The following GRID1 variants were observed in gnomAD, a reference collection of about 807,000 sequenced individuals.
The protein encoded by GRID1 is glutamate ionotropic receptor delta type subunit 1.
In GRID1, 28 loss-of-function variants were observed where a neutral mutation model predicts 98.0. The observed-to-expected ratio is 0.29, with a 90% CI of 0.21 to 0.39. The LOEUF is 0.39. Among genes scored for constraint, GRID1 ranks in the 10% least tolerant of loss-of-function variants. The probability of loss-of-function intolerance (pLI) is 1.00; values close to 1 mark genes in which losing one functional copy is unlikely to be tolerated. For synonymous variants in GRID1, 553 were observed against 538.5 expected (o/e 1.03, Z -0.37); for missense variants, 1,111 against 1,340.5 (o/e 0.83, Z 2.67).
intron 4 of GRID1, among the ~76,000 whole-genome samples, chr10:85,955,857 C>G (rs2131846122): frequency 6.6e-6 from 1 of 152,318 alleles, no homozygotes; most frequent in South Asian, 2.1e-4. Context: ...CTTCTGACCC[C>G]TGAGGCTTCT....
chr10:86,364,899 C>G (rs755071272), intron 1 of GRID1, among the ~76,000 whole-genome samples: 5 of 152,228 alleles, frequency 3.3e-5, no homozygotes, highest in Non-Finnish European at 7.3e-5. Flanking sequence ...GCGCTTTGTG[C>G]GCCTAGCACA....
chr10:85,662,171 G>A (rs1220588184), intron 12 of GRID1, among the ~76,000 whole-genome samples: 1 of 152,196 alleles, frequency 6.6e-6, no homozygotes, highest in Non-Finnish European at 1.5e-5. Flanking sequence ...ATTTGTTTGA[G>A]TGGATGAATG....
intron 8 of GRID1, among the ~76,000 whole-genome samples, chr10:85,763,166 C>T (rs1012455970): frequency 4.6e-5 from 7 of 152,168 alleles, no homozygotes; most frequent in African/African-American, 1.4e-4. Flanking sequence ...GACCCCAAGT[C>T]AGCTGCCCAC....
At chr10:86,004,329 C>CA (rs1246180989) in intron 4 of GRID1, among the ~76,000 whole-genome samples, 1 of 152,144 alleles carries the variant, frequency 6.6e-6, no homozygotes, top group Non-Finnish European at 1.5e-5. Context: ...GATATGCTGC[C>CA]AAAAAGAGCT....
At chr10:86,034,902 G>GTGGA (rs59211171) in intron 4 of GRID1, among the ~76,000 whole-genome samples, 19,512 of 143,724 alleles carry the variant, frequency 0.14, 1,306 homozygotes, top group East Asian at 0.22. Context: ...CAATGGATTG[G>GTGGA]TGGATGGATG....
chr10:86,309,884 A>G (rs549537405), intron 2 of GRID1, among the ~76,000 whole-genome samples: 4 of 152,272 alleles, frequency 2.6e-5, no homozygotes, highest in East Asian at 3.9e-4. Flanking sequence ...CAGTGCCTCA[A>G]TGATTTCAGC....
At chr10:85,989,422 G>C (rs1194750326) in intron 4 of GRID1, among the ~76,000 whole-genome samples, 1 of 151,556 alleles carries the variant, frequency 6.6e-6, no homozygotes, top group African/African-American at 2.4e-5. Flanking sequence ...ATTTTCCTCT[G>C]TTGAACCCAA....
chr10:86,012,464 C>A (rs1312629813), intron 4 of GRID1, among the ~76,000 whole-genome samples: 2 of 152,166 alleles, frequency 1.3e-5, no homozygotes, highest in Admixed American at 6.5e-5. Context: ...GACCCTGAAC[C>A]TTTTACAAGG....
intron 8 of GRID1, among the ~76,000 whole-genome samples, chr10:85,761,544 C>T (rs1439861081): frequency 2.0e-5 from 3 of 152,182 alleles, no homozygotes; most frequent in South Asian, 4.1e-4. Context: ...GCAATTACAC[C>T]GTTGTGCTGT....
At chr10:85,862,961 T>A (rs1843178791) in intron 6 of GRID1, among the ~76,000 whole-genome samples, 2 of 152,074 alleles carry the variant, frequency 1.3e-5, no homozygotes, top group South Asian at 4.1e-4. Context: ...TCAGAAACAC[T>A]GCACATTCCC....
chr10:86,203,099 G>C (rs1228683424), intron 3 of GRID1, among the ~76,000 whole-genome samples: 1 of 152,106 alleles, frequency 6.6e-6, no homozygotes, highest in Non-Finnish European at 1.5e-5. Flanking sequence ...AGGGATGTTG[G>C]GTGGCTAGAA....
chr10:85,922,622 C>T (rs1798107500), intron 4 of GRID1, among the ~76,000 whole-genome samples: 1 of 152,194 alleles, frequency 6.6e-6, no homozygotes, highest in African/African-American at 2.4e-5. Context: ...AAAGGCCCAC[C>T]GCTGCCTTTG....
intron 8 of GRID1, among the ~76,000 whole-genome samples, chr10:85,739,842 T>G (rs1468950693): frequency 1.3e-5 from 2 of 152,146 alleles, no homozygotes; most frequent in Non-Finnish European, 2.9e-5. Flanking sequence ...TTTTAAAAGC[T>G]TATTTCTTTT....
chr10:86,130,204 A>G (rs1047038613), intron 4 of GRID1, among the ~76,000 whole-genome samples: 19 of 83,996 alleles, frequency 2.3e-4, no homozygotes, highest in Admixed American at 1.3e-3. Context: ...TTTAGGACAC[A>G]CAGCTAGCTG....
chr10:86,361,010 C>A (rs962209646), intron 2 of GRID1, among the ~76,000 whole-genome samples: 3 of 152,224 alleles, frequency 2.0e-5, no homozygotes, highest in African/African-American at 7.2e-5. Context: ...GACCACTCCG[C>A]TACTAAAAGT....
chr10:85,734,935 T>G (rs1181906657), intron 8 of GRID1, among the ~76,000 whole-genome samples: 1 of 152,172 alleles, frequency 6.6e-6, no homozygotes, highest in African/African-American at 2.4e-5. Flanking sequence ...AGGAGAGACA[T>G]GCATCCCTCC....
chr10:86,262,721 G>A (rs752453468), intron 2 of GRID1, among the ~76,000 whole-genome samples: 1 of 152,118 alleles, frequency 6.6e-6, no homozygotes, highest in Non-Finnish European at 1.5e-5. Flanking sequence ...GCAAACCTAG[G>A]GACACAAAAC....
Position 85,602,319 on chromosome 10 carries a change from C to T in GRID1, c.2984G>A (p.Gly995Asp). The T allele has an allele frequency of 1.9e-6, 3 of 1,551,500 alleles. No homozygotes were observed. The highest frequency in any genetic ancestry group is 1.7e-6 in the Non-Finnish European group (2 of 1,147,938). The part of the protein sequence containing the change: ...IPMSFQPVPG[G>D]VLPEALDTSH... Reference sequence around the variant, plus strand: ...GGTGTCCAGAGCCTCTGGAAGGACGCCTCCAGGCACGGGCTGGAAGGACAT... The same window carrying T: ...GGTGTCCAGAGCCTCTGGAAGGACGTCTCCAGGCACGGGCTGGAAGGACAT... The change falls in exon 16 of 16, where the codon GGC becomes GAC. Residue 995 changes from glycine to aspartate, a missense_variant. By Grantham distance (94) the Gly-to-Asp change is moderately conservative. Transcript: ENST00000327946.
intron 3 of GRID1, among the ~76,000 whole-genome samples, chr10:86,189,305 T>A (rs1241984455): frequency 6.6e-6 from 1 of 151,964 alleles, no homozygotes; most frequent in East Asian, 1.9e-4. Flanking sequence ...ACCTTCCCAC[T>A]CCACCTGGCC....
Sources: allele counts gnomAD v4.1 joint callset (sites outside exome capture counted in the v4.1 genomes callset), GRCh38; gene constraint gnomAD v4.1.1; transcripts MANE v1.5; gene names NCBI Gene and HGNC (gene_info 2026-07-23, HGNC 2026-07-21).